The following GTF2B variants were observed in gnomAD, a reference collection of about 807,000 sequenced individuals.
The protein encoded by GTF2B is general transcription factor IIB.
GTF2B carries 20 observed loss-of-function variants against 34.6 expected under a neutral mutation model. That is an observed-to-expected ratio of 0.58 (90% CI 0.41 to 0.84). GTF2B has a LOEUF of 0.84. Among genes scored for constraint, GTF2B ranks in the 40% least tolerant of loss-of-function variants. The pLI, the probability that GTF2B is intolerant of heterozygous loss-of-function variation, is 0.00. For missense variants in GTF2B, 237 were observed against 393.3 expected, an observed-to-expected ratio of 0.60 and a Z score of 3.36; for synonymous variants, 142 against 132.4, an observed-to-expected ratio of 1.07 and a Z score of -0.50.
intron 2 of GTF2B, among the ~76,000 whole-genome samples, chr1:88,871,912 T>C (rs1277516423): frequency 2.6e-5 from 4 of 151,930 alleles, no homozygotes; most frequent in African/African-American, 7.3e-5. Context: ...TTTGTATTTT[T>C]AGTAGAGACA....
intron 2 of GTF2B, among the ~76,000 whole-genome samples, chr1:88,870,158 C>T (rs535173879): frequency 3.9e-5 from 6 of 152,192 alleles, no homozygotes; most frequent in Admixed American, 2.6e-4. Flanking sequence ...GATCTCCTGA[C>T]CTTGTGATCC....
intron 2 of GTF2B, among the ~76,000 whole-genome samples, chr1:88,885,585 T>TA (rs550033533): frequency 2.7e-4 from 41 of 151,292 alleles, no homozygotes; most frequent in Non-Finnish European, 2.8e-4. Context: ...CCGTCTCTAC[T>TA]AAAAAAAATA....
chr1:88,864,147 G>C (rs1435804581), intron 2 of GTF2B, 33 bp from the exon 3 acceptor site: 2 of 1,609,672 alleles, frequency 1.2e-6, no homozygotes, highest in South Asian at 1.1e-5. Context: ...GAATCATTTT[G>C]TCAAGATAGG....
intron 6 of GTF2B, among the ~76,000 whole-genome samples, chr1:88,856,278 A>AAAAC (rs1673306047): frequency 7.6e-6 from 1 of 131,526 alleles, no homozygotes. Context: ...AAAACAAAAA[A>AAAAC]AAAAAAAAAA....
intron 2 of GTF2B, among the ~76,000 whole-genome samples, chr1:88,886,623 T>C (rs555289268): frequency 6.6e-6 from 1 of 152,366 alleles, no homozygotes; most frequent in Non-Finnish European, 1.5e-5. Flanking sequence ...CATGTATTCA[T>C]TATTTAATAT....
intron 2 of GTF2B, among the ~76,000 whole-genome samples, chr1:88,869,061 G>A (rs1488796171): frequency 6.6e-6 from 1 of 152,092 alleles, no homozygotes; most frequent in African/African-American, 2.4e-5. Context: ...TTCTGCATCC[G>A]CGGATTCAAC....
chr1:88,883,784 T>C (rs976598201), intron 2 of GTF2B, among the ~76,000 whole-genome samples: 1 of 152,222 alleles, frequency 6.6e-6, no homozygotes, highest in Non-Finnish European at 1.5e-5. Flanking sequence ...AAAGTACTGC[T>C]GATGAATAAT....
At chr1:88,891,052 T>G (rs760816137) in intron 1 of GTF2B, among the ~76,000 whole-genome samples, 1 of 136,288 alleles carries the variant, frequency 7.3e-6, no homozygotes, top group Admixed American at 8.3e-5. Context: ...ACTAACTGTT[T>G]CCCGTTCCTT....
intron 2 of GTF2B, among the ~76,000 whole-genome samples, chr1:88,884,738 G>T (rs1284622581): frequency 6.6e-6 from 1 of 152,168 alleles, no homozygotes; most frequent in Non-Finnish European, 1.5e-5. Context: ...TCTGATGAGT[G>T]CTCAGTATGG....
chr1:88,855,424 C>A (rs1393112952), intron 6 of GTF2B, among the ~76,000 whole-genome samples: 4 of 146,760 alleles, frequency 2.7e-5, no homozygotes, highest in African/African-American at 1.0e-4. Context: ...GCAATCTAGG[C>A]TCACCGCAAC....
intron 3 of GTF2B, among the ~76,000 whole-genome samples, chr1:88,861,705 G>A (rs775559637): frequency 6.6e-5 from 10 of 152,166 alleles, no homozygotes; most frequent in Non-Finnish European, 1.3e-4. Flanking sequence ...GATGGCACAC[G>A]CCTGTGGTCT....
chr1:88,860,805 A>AACC (rs1434439957), intron 3 of GTF2B, among the ~76,000 whole-genome samples: 1 of 152,206 alleles, frequency 6.6e-6, no homozygotes, highest in Non-Finnish European at 1.5e-5. Flanking sequence ...TACATTAGAA[A>AACC]ACCACTCTCC....
chr1:88,873,784 C>G (rs541120237), intron 2 of GTF2B, among the ~76,000 whole-genome samples: 1 of 152,202 alleles, frequency 6.6e-6, no homozygotes, highest in South Asian at 2.1e-4. Flanking sequence ...ATGACATAAA[C>G]TAGAGTTGTA....
chr1:88,856,045 G>A lies in GTF2B; in HGVS notation c.817+1161C>T, dbSNP rs370477558. On this transcript the variant is annotated intron_variant, in intron 6 of 6. Coordinates refer to ENST00000370500, the MANE Select transcript of GTF2B (RefSeq NM_001514.6). ...AGCACACTGGGAGGTGGAGGCAGGC[G>A]AATCACATGAGGCCAGGAGTTCGAG... Among the ~76,000 whole-genome samples the A allele has an allele frequency of 3.8e-4, 58 of 152,170 alleles. No homozygotes were observed. In the South Asian group the frequency reaches 6.2e-3, roughly 16 times the overall value.
chr1:88,861,258 G>A (rs1673434652), intron 3 of GTF2B, among the ~76,000 whole-genome samples: 1 of 152,150 alleles, frequency 6.6e-6, no homozygotes, highest in Non-Finnish European at 1.5e-5. Flanking sequence ...AGATACCTAA[G>A]GAAATGGAAA....
chr1:88,891,346 G>A lies in GTF2B; in HGVS notation c.17+137C>T, dbSNP rs1031885431. 2.9e-5 allele frequency: 18 copies of A among 627,282 alleles called. No individual in the cohort carries two copies. In the South Asian group the frequency reaches 3.5e-4, roughly 12 times the overall value. The allele number at this position is 627,282 out of a possible 1,614,324, so 38.9% of individuals were successfully genotyped here. ...TGCCGTCTGGAAGTGCCTTTGTCCC[G>A]GCCCGTCGGCCAGTCCCGCCGCTTC... On this transcript the variant is annotated intron_variant, in intron 1 of 6. Transcript: ENST00000370500.
chr1:88,855,946 T>C (rs1241565983), intron 6 of GTF2B, among the ~76,000 whole-genome samples: 1 of 152,194 alleles, frequency 6.6e-6, no homozygotes, highest in East Asian at 1.9e-4. Flanking sequence ...CTCAAAGACT[T>C]AGAAAGGAGT....
intron 2 of GTF2B, among the ~76,000 whole-genome samples, chr1:88,883,508 G>A (rs961227489): frequency 6.6e-6 from 1 of 151,826 alleles, no homozygotes; most frequent in African/African-American, 2.4e-5. Context: ...TGAGGCCAGG[G>A]TTCAAGACTA....
chr1:88,883,668 A>T (rs1353041377), intron 2 of GTF2B, among the ~76,000 whole-genome samples: 2 of 152,132 alleles, frequency 1.3e-5, no homozygotes, highest in Admixed American at 1.3e-4. Flanking sequence ...TCTCAAAAAA[A>T]AAGTCACAGA....
Sources: allele counts gnomAD v4.1 joint callset (sites outside exome capture counted in the v4.1 genomes callset), GRCh38; gene constraint gnomAD v4.1.1; transcripts MANE v1.5; gene names NCBI Gene and HGNC (gene_info 2026-07-23, HGNC 2026-07-21).